The following SPATA13 variants were observed in gnomAD, a reference collection of about 807,000 sequenced individuals.
SPATA13 encodes the protein spermatogenesis-associated protein 13.
A neutral mutation model predicts 104.0 loss-of-function variants in SPATA13; 50 were observed. The observed-to-expected ratio is 0.48, with a 90% confidence interval of 0.38 to 0.61. The LOEUF is 0.61. Ranked by LOEUF, SPATA13 falls within the 20% of genes least tolerant of loss-of-function variation. SPATA13 has a pLI of 0.00. For missense variants in SPATA13, 1,524 were observed against 1,690.6 expected (o/e 0.90, Z 1.73); for synonymous variants, 606 against 667.5 (o/e 0.91, Z 1.42).
intron 3 of SPATA13, among the ~76,000 whole-genome samples, chr13:24,027,326 C>A (rs1240625858): frequency 1.3e-5 from 2 of 151,422 alleles, no homozygotes; most frequent in Non-Finnish European, 2.9e-5. Context: ...GTAGAGACGG[C>A]GTTTCACCAT....
At chr13:24,242,109 G>T (rs1872868740) in intron 2 of SPATA13, among the ~76,000 whole-genome samples, 2 of 151,956 alleles carry the variant, frequency 1.3e-5, no homozygotes, top group South Asian at 4.2e-4. Context: ...TAAAAATTAA[G>T]GATAAGAAAC....
At chr13:24,026,893 C>T (rs776555202) in intron 3 of SPATA13, among the ~76,000 whole-genome samples, 3 of 151,776 alleles carry the variant, frequency 2.0e-5, no homozygotes, top group African/African-American at 7.3e-5. Flanking sequence ...TGAGCCACCA[C>T]ACCTGGCCAA....
At position 24,160,944 on chromosome 13, in the gene SPATA13, TCGGGCG is replaced by T; in HGVS notation, c.-112+15_-112+20del. The stretch of plus-strand genomic sequence containing the variant: ...AGGCGCCGCAGGAGGTAAGACGGCT[TCGGGCG>T]CGCGGCTCTGCCGGGCGGGCGCGGG... On this transcript the variant is annotated intron_variant, in intron 1 of 12. Transcript: ENST00000382108. The T allele has an allele frequency of 1.0e-6, 1 of 985,856 alleles. No homozygotes were observed. Among genetic ancestry groups the T allele is most frequent in the Non-Finnish European group, 1.2e-6 (1 of 830,348 alleles). 61.1% of individuals were successfully genotyped at this position (985,856 alleles called of 1,614,324 possible). A position where few individuals can be genotyped will look rare whatever the true frequency, so the allele number is the denominator to read the frequency against.
At chr13:24,013,893 GGAGCAGGTAATGGA>G (rs1314057649) in intron 2 of SPATA13, among the ~76,000 whole-genome samples, 1 of 152,054 alleles carries the variant, frequency 6.6e-6, no homozygotes, top group Non-Finnish European at 1.5e-5. Context: ...GAGGTTATTG[GGAGCAGGTAATGGA>G]CTGTAGGCCT....
intron 3 of SPATA13, among the ~76,000 whole-genome samples, chr13:24,026,422 T>C (rs1341330196): frequency 6.6e-6 from 1 of 152,046 alleles, no homozygotes; most frequent in Non-Finnish European, 1.5e-5. Flanking sequence ...CCAGATCTGG[T>C]TTCAGTATTA....
At chr13:24,157,405 T>G (rs1358611260), upstream of SPATA13, among the ~76,000 whole-genome samples, 1 of 152,142 alleles carries the variant, frequency 6.6e-6, no homozygotes, top group Non-Finnish European at 1.5e-5. Context: ...TTCACGCCAT[T>G]CTTCTGCCTT....
intron 2 of SPATA13, among the ~76,000 whole-genome samples, chr13:24,247,478 C>CTTTTTTTTTTTTTTTTTTTTTT (rs10625714): frequency 1.1e-5 from 1 of 87,122 alleles, no homozygotes; most frequent in Admixed American, 1.8e-4. Context: ...TCCACATTCA[C>CTTTTTTTTTTTTTTTTTTTTTT]TTTTTTTTTT....
chr13:24,003,942 C>T (rs535785194), intron 2 of SPATA13, among the ~76,000 whole-genome samples: 1 of 152,314 alleles, frequency 6.6e-6, no homozygotes, highest in South Asian at 2.1e-4. Flanking sequence ...ACTCCCCCTC[C>T]TCCTGCAGCA....
chr13:24,077,637 G>A (rs1442419033), intron 3 of SPATA13, among the ~76,000 whole-genome samples: 1 of 151,610 alleles, frequency 6.6e-6, no homozygotes, highest in Non-Finnish European at 1.5e-5. Flanking sequence ...AAAAAAAAAA[G>A]ACAAAACAGA....
chr13:24,111,918 A>G (rs3979306), intron 3 of SPATA13, among the ~76,000 whole-genome samples: 73,973 of 152,102 alleles, frequency 0.49, 19,717 homozygotes, highest in African/African-American at 0.72. Flanking sequence ...TGATGTTGGT[A>G]TTGAGGTTAT....
chr13:24,027,327 G>A (rs887965500), intron 3 of SPATA13, among the ~76,000 whole-genome samples: 2 of 151,578 alleles, frequency 1.3e-5, no homozygotes, highest in East Asian at 1.9e-4. Context: ...TAGAGACGGC[G>A]TTTCACCATG....
intron 2 of SPATA13, among the ~76,000 whole-genome samples, chr13:24,010,796 T>G (rs1876439233): frequency 6.6e-6 from 1 of 151,972 alleles, no homozygotes; most frequent in South Asian, 2.1e-4. Flanking sequence ...GGCCAGTGCC[T>G]TGTTGGTGGA....
chr13:24,258,228 T>C (rs1159224861), intron 4 of SPATA13, among the ~76,000 whole-genome samples: 4 of 130,070 alleles, frequency 3.1e-5, no homozygotes, highest in South Asian at 4.7e-4. Context: ...AGAGTGAAAC[T>C]CTATCTCAAA....
chr13:24,122,826 A>G (rs1198446899), intron 3 of SPATA13: 2 of 773,968 alleles, frequency 2.6e-6, no homozygotes, highest in Admixed American at 3.4e-5. Context: ...ACTGTGCACT[A>G]AAGAGAAGAT....
chr13:23,992,771 G>A (rs780179921), intron 2 of SPATA13, among the ~76,000 whole-genome samples: 5 of 152,190 alleles, frequency 3.3e-5, no homozygotes, highest in Non-Finnish European at 7.3e-5. Flanking sequence ...TCCATAGTTG[G>A]ATGGAACTTG....
chr13:24,233,382 A>G (rs1294306020), intron 2 of SPATA13, among the ~76,000 whole-genome samples: 1 of 152,256 alleles, frequency 6.6e-6, no homozygotes, highest in Admixed American at 6.5e-5. Flanking sequence ...ATCTTCTCTT[A>G]CAGAGGGCTT....
intron 4 of SPATA13, among the ~76,000 whole-genome samples, chr13:24,267,404 T>C (rs1272451768): frequency 6.6e-6 from 1 of 152,220 alleles, no homozygotes; most frequent in East Asian, 1.9e-4. Flanking sequence ...TAATCTCTAG[T>C]GAATGCCTCT....
chr13:24,106,884 T>A (rs149822884), intron 3 of SPATA13, among the ~76,000 whole-genome samples: 134 of 152,004 alleles, frequency 8.8e-4, no homozygotes, highest in Admixed American at 2.0e-3. Flanking sequence ...ATCGAGTGAG[T>A]TTCAGCAAAT....
intron 3 of SPATA13, among the ~76,000 whole-genome samples, chr13:24,095,676 T>A (rs6490871): frequency 0.92 from 139,911 of 152,246 alleles, 64,718 homozygotes; most frequent in Non-Finnish European, 0.97. Flanking sequence ...AGACTTCTCT[T>A]CTATGTGGAT....
Sources: allele counts gnomAD v4.1 joint callset (sites outside exome capture counted in the v4.1 genomes callset), GRCh38; gene constraint gnomAD v4.1.1; transcripts MANE v1.5; gene names NCBI Gene and HGNC (gene_info 2026-07-23, HGNC 2026-07-21).